The following ZFPM1 variants were observed in gnomAD, a reference collection of about 807,000 sequenced individuals.
The protein encoded by ZFPM1 is zinc finger protein ZFPM1.
Under a neutral mutation model 46.3 loss-of-function variants are expected in ZFPM1, and 28 were observed. The ratio of observed to expected loss-of-function variants is 0.60; its 90% confidence interval spans 0.45 to 0.83. The LOEUF is 0.83. ZFPM1 is among the 40% of genes least tolerant of loss of function. The probability of loss-of-function intolerance (pLI) is 0.00; values close to 1 mark genes in which losing one functional copy is unlikely to be tolerated. For missense variants in ZFPM1, 1,878 were observed against 1,432.4 expected (o/e 1.31, Z -5.02); for synonymous variants, 957 against 675.9 (o/e 1.42, Z -6.45).
At chr16:88,496,796 C>G (rs1489611586) in intron 3 of ZFPM1, among the ~76,000 whole-genome samples, 1 of 152,176 alleles carries the variant, frequency 6.6e-6, no homozygotes, top group East Asian at 1.9e-4. Flanking sequence ...GTGAGGGGGG[C>G]TCTCGACTCC....
Position 88,532,710 on chromosome 16 carries a change from G to A in ZFPM1, c.1042+1G>A. ...AAGGTGCACACGGACACGCTGAGCGGTAGGCACCGCAGGGGCCGGGGGGTG... is the reference window on the plus strand; with the variant it reads ...AAGGTGCACACGGACACGCTGAGCGATAGGCACCGCAGGGGCCGGGGGGTG... On this transcript the variant is annotated splice_donor_variant, in intron 8 of 9. Transcript: ENST00000319555. LOFTEE classifies it high-confidence loss of function. 1 of 1,611,984 alleles carries A rather than the reference G, an allele frequency of 6.2e-7. No individual in the cohort carries two copies. The highest frequency in any genetic ancestry group is 1.1e-5 in the South Asian group (1 of 90,966).
Position 88,533,869 on chromosome 16 carries a change from G to C in ZFPM1, c.1911G>C (p.Ser637=). 1.0e-6 allele frequency: 1 copy of C among 985,400 alleles called. No homozygotes were observed. The highest frequency in any genetic ancestry group is 1.8e-5 in the African/African-American group (1 of 54,962). The allele number at this position is 985,400 out of a possible 1,614,324, so 61.0% of individuals were successfully genotyped here. ...GQPAEPDAPR[S]SPGPGAREEG... ...CCGCCGAACCCGACGCGCCGCGCTC[G>C]TCCCCGGGCCCCGGAGCGCGCGAGG... is the stretch of plus-strand genomic sequence containing the variant. The change falls in exon 10 of 10, where the codon TCG becomes TCC. Residue 637 remains serine (S), a synonymous_variant. Transcript: ENST00000319555.
chr16:88,457,518 G>A (rs933210006), intron 1 of ZFPM1, among the ~76,000 whole-genome samples: 84 of 152,306 alleles, frequency 5.5e-4, no homozygotes, highest in Non-Finnish European at 5.3e-4. Context: ...CAGTTGCCTC[G>A]TCCCCAGTCA....
intron 3 of ZFPM1, among the ~76,000 whole-genome samples, chr16:88,503,779 C>G (rs949593755): frequency 6.6e-6 from 1 of 152,222 alleles, no homozygotes; most frequent in Non-Finnish European, 1.5e-5. Context: ...CCCCGGGGCA[C>G]AGGCCCTGTA....
intron 1 of ZFPM1, among the ~76,000 whole-genome samples, chr16:88,481,149 G>A (rs1405824190): frequency 6.6e-6 from 1 of 152,220 alleles, no homozygotes; most frequent in Non-Finnish European, 1.5e-5. Flanking sequence ...GGTGTCTGCT[G>A]GCTGTGATAA....
intron 4 of ZFPM1, among the ~76,000 whole-genome samples, chr16:88,519,118 ATGGATGGATGGG>A (rs1168371055): frequency 2.5e-5 from 3 of 121,708 alleles, no homozygotes; most frequent in Non-Finnish European, 3.3e-5. Context: ...GGGTGGATGG[ATGGATGGATGGG>A]TGGATGGATG....
chr16:88,517,167 CGGATGGATGGGTAGATGGAT>C (rs1911354274), intron 4 of ZFPM1, among the ~76,000 whole-genome samples: 1 of 126,936 alleles, frequency 7.9e-6, no homozygotes, highest in Non-Finnish European at 1.7e-5. Context: ...GGTAGGTGGA[CGGATGGATGGGTAGATGGAT>C]GGATGGATGG....
intron 3 of ZFPM1, among the ~76,000 whole-genome samples, chr16:88,502,937 A>AC (rs1399809864): frequency 2.6e-5 from 4 of 151,788 alleles, no homozygotes; most frequent in African/African-American, 9.7e-5. Context: ...AGCGCTCGCC[A>AC]CCCCCACCCG....
intron 9 of ZFPM1, 88 bp from the exon 10 acceptor site, chr16:88,533,060 C>T (rs917250821): frequency 2.0e-6 from 3 of 1,467,504 alleles, no homozygotes; most frequent in Admixed American, 2.2e-5. Flanking sequence ...CTCCCGCCCA[C>T]CCCTCCCCTT....
At chr16:88,518,734 AGGGTGGATGGAT>A (rs1261324827) in intron 4 of ZFPM1, among the ~76,000 whole-genome samples, 6 of 82,386 alleles carry the variant, frequency 7.3e-5, no homozygotes, top group African/African-American at 3.2e-4. Context: ...GATGGCTGAG[AGGGTGGATGGAT>A]GGATGGATGG....
intron 1 of ZFPM1, among the ~76,000 whole-genome samples, chr16:88,476,667 G>A (rs1221776999): frequency 6.6e-6 from 1 of 152,160 alleles, no homozygotes; most frequent in Non-Finnish European, 1.5e-5. Context: ...TAGTGAACAT[G>A]ACCACAAGGC....
chr16:88,490,596 C>G (rs371247421), intron 3 of ZFPM1, among the ~76,000 whole-genome samples: 1 of 152,168 alleles, frequency 6.6e-6, no homozygotes, highest in Non-Finnish European at 1.5e-5. Context: ...GGAGAGTGCA[C>G]GATGGGTCCA....
At chr16:88,494,075 C>T (rs1172697114) in intron 3 of ZFPM1, among the ~76,000 whole-genome samples, 2 of 152,146 alleles carry the variant, frequency 1.3e-5, no homozygotes, top group African/African-American at 4.8e-5. Context: ...AGGGGGACTG[C>T]GGAGTGTGTA....
intron 1 of ZFPM1, among the ~76,000 whole-genome samples, chr16:88,472,293 A>C (rs1337101622): frequency 6.6e-6 from 1 of 151,210 alleles, no homozygotes. Flanking sequence ...GAGGCACCAG[A>C]GCGCCTGCTG....
chr16:88,527,141 G>A (rs1192110207), intron 5 of ZFPM1, among the ~76,000 whole-genome samples: 3 of 152,208 alleles, frequency 2.0e-5, no homozygotes, highest in African/African-American at 7.2e-5. Context: ...GGCTGAGCCA[G>A]GACAGGTGTC....
intron 4 of ZFPM1, among the ~76,000 whole-genome samples, chr16:88,525,053 T>A (rs1258280830): frequency 6.6e-6 from 1 of 152,254 alleles, no homozygotes; most frequent in Non-Finnish European, 1.5e-5. Context: ...CGCCTGAACC[T>A]TGCCTGAGTA....
chr16:88,465,903 T>C lies in ZFPM1; in HGVS notation c.40+12225T>C, dbSNP rs112990919. On this transcript the variant is annotated intron_variant, in intron 1 of 9. Coordinates refer to ENST00000319555, the MANE Select transcript of ZFPM1 (RefSeq NM_153813.3). ...TGCTGAGGGACAGGTGAAGCAGCCA[T>C]AGGGGTGGAGGAGGGACAGGTGAAG... is the stretch of plus-strand genomic sequence containing the variant. Among the ~76,000 whole-genome samples the C allele has an allele frequency of 2.5e-3, 376 of 152,098 alleles. 3 individuals are homozygous for C. Among genetic ancestry groups the C allele is most frequent in the Non-Finnish European group, 4.2e-3 (284 of 67,960 alleles).
chr16:88,494,680 G>GT (rs1309022081), intron 3 of ZFPM1, among the ~76,000 whole-genome samples: 1 of 152,176 alleles, frequency 6.6e-6, no homozygotes, highest in Non-Finnish European at 1.5e-5. Flanking sequence ...CAGGGCCTGA[G>GT]TGGGGGGCGA....
intron 1 of ZFPM1, among the ~76,000 whole-genome samples, chr16:88,455,914 C>G (rs1370981986): frequency 2.6e-5 from 4 of 152,220 alleles, no homozygotes; most frequent in Admixed American, 6.5e-5. Flanking sequence ...GGGTTTTCCT[C>G]CCGCCCGAGT....
Sources: allele counts gnomAD v4.1 joint callset (sites outside exome capture counted in the v4.1 genomes callset), GRCh38; gene constraint gnomAD v4.1.1; transcripts MANE v1.5; gene names NCBI Gene and HGNC (gene_info 2026-07-23, HGNC 2026-07-21).